TMEM255B: variants seen among roughly 807,000 people sequenced by gnomAD.
The protein encoded by TMEM255B is transmembrane protein 255B.
In TMEM255B, 35 loss-of-function variants were observed where a neutral mutation model predicts 34.5. That is an observed-to-expected ratio of 1.01 (90% CI 0.77 to 1.34). The LOEUF (loss-of-function observed/expected upper bound fraction) is 1.34. Among genes scored for constraint, TMEM255B ranks in the 40% most tolerant of loss-of-function variants. TMEM255B has a pLI of 0.00. For synonymous variants in TMEM255B, 206 were observed against 201.2 expected (o/e 1.02, Z -0.20); for missense variants, 432 against 433.2 (o/e 1.00, Z 0.02).
rs1047594614 is a variant in TMEM255B at position 113,770,315 on chromosome 13, A to T, written c.252+1155A>T. ...CACTATCATGAGAACAGCACAGGAA[A>T]GATCTGCCCCCCATGATTCAACTGC... On this transcript the variant is annotated intron_variant, in intron 3 of 8. Transcript: ENST00000375353. This position sits in a 1 kb window ranked among gnomAD's most constrained non-coding sequence, Gnocchi z 4.6. Among the ~76,000 whole-genome samples, 5 of 152,170 alleles carry T rather than the reference A, an allele frequency of 3.3e-5. No individual in the cohort carries two copies. The highest frequency in any genetic ancestry group is 1.2e-4 in the African/African-American group (5 of 41,424).
Position 113,806,629 on chromosome 13 carries a change from C to T in TMEM255B, c.813+1601C>T, listed in dbSNP as rs2051177113. 6.6e-6 allele frequency among the ~76,000 whole-genome samples: 1 copy of T among 152,180 alleles called. No homozygotes were observed. The highest frequency in any genetic ancestry group is 1.5e-5 in the Non-Finnish European group (1 of 68,002). On this transcript the variant is annotated intron_variant, in intron 8 of 8. Transcript: ENST00000375353. The surrounding 1 kb of genome is among the most constrained non-coding windows in gnomAD (Gnocchi z 4.2). ...GCCAGCGACCCTGCAGTGGTCACTC[C>T]TGCAGGCAGGCGCGTCTGCTTGGTG...
At chr13:113,785,164 T>A (rs1398415605) in intron 3 of TMEM255B, among the ~76,000 whole-genome samples, 1 of 152,258 alleles carries the variant, frequency 6.6e-6, no homozygotes, top group Non-Finnish European at 1.5e-5. Flanking sequence ...AGTTGATGTT[T>A]CTGGGGCTGG....
At position 113,811,944 on chromosome 13, in the gene TMEM255B, T is replaced by TA. The variant is rs748900324; in HGVS notation, c.*41_*42insA. 2,533 of 1,472,852 alleles carry TA rather than the reference T, an allele frequency of 1.7e-3. 11 individuals carry two copies. Among genetic ancestry groups the TA allele is most frequent in the South Asian group, 0.014 (1,032 of 75,054 alleles). 91.2% of individuals were successfully genotyped at this position (1,472,852 alleles called of 1,614,324 possible). On this transcript the variant is annotated 3_prime_UTR_variant, in exon 9 of 9. Transcript: ENST00000375353. ...AAAGATAACTTGTTTGTTTTTTTTTTTAAAAAAAAGGCAGCCTCTAGAAAT... is the reference window on the plus strand; with the variant it reads ...AAAGATAACTTGTTTGTTTTTTTTTTATAAAAAAAAGGCAGCCTCTAGAAAT...
At chr13:113,810,236 C>T (rs2051273437) in intron 8 of TMEM255B, among the ~76,000 whole-genome samples, 1 of 152,110 alleles carries the variant, frequency 6.6e-6, no homozygotes, top group Admixed American at 6.5e-5. Context: ...GCACAGAGCA[C>T]ATCTGGTAGC....
rs958957755 is a variant in TMEM255B, at chr13:113,813,161, C to T, written c.*1258C>T. The T allele has an allele frequency of 1.3e-5, 2 of 150,314 alleles. No homozygotes were observed. Among genetic ancestry groups the T allele is most frequent in the African/African-American group, 2.4e-5 (1 of 40,998 alleles). 9.3% of individuals were successfully genotyped at this position (150,314 alleles called of 1,614,324 possible). ...CAGATCCTCAGGGAACCAGGGACTC[C>T]CAGGGCGGGAGGGCGGGCGAGAGGT... On this transcript the variant is annotated 3_prime_UTR_variant, in exon 9 of 9. Transcript: ENST00000375353.
At chr13:113,775,168 A>T (rs2138533943) in intron 3 of TMEM255B, among the ~76,000 whole-genome samples, 1 of 151,980 alleles carries the variant, frequency 6.6e-6, no homozygotes, top group East Asian at 1.9e-4. Flanking sequence ...TACACAATGC[A>T]CACCACATAC....
chr13:113,800,527 G>T (rs563922989), intron 5 of TMEM255B, among the ~76,000 whole-genome samples: 8 of 152,178 alleles, frequency 5.3e-5, no homozygotes, highest in African/African-American at 1.9e-4. Context: ...CTGTCCTTCT[G>T]CCCACGCACC....
chr13:113,789,178 T>G (rs534188746), intron 3 of TMEM255B, among the ~76,000 whole-genome samples: 30 of 151,694 alleles, frequency 2.0e-4, no homozygotes, highest in African/African-American at 6.8e-4. Flanking sequence ...TTTTTTTTTG[T>G]AAATCTACTT....
intron 3 of TMEM255B, among the ~76,000 whole-genome samples, chr13:113,788,002 A>C (rs2050771115): frequency 8.1e-6 from 1 of 122,866 alleles, no homozygotes; most frequent in Admixed American, 8.9e-5. Flanking sequence ...GGGCAGCTCC[A>C]GGTGTCGGCC....
chr13:113,805,718 G>A (rs1043605819), intron 8 of TMEM255B, among the ~76,000 whole-genome samples: 6 of 152,212 alleles, frequency 3.9e-5, no homozygotes, highest in South Asian at 2.1e-4. Flanking sequence ...CTCTGCCTGC[G>A]GCATATCAGA....
At chr13:113,759,837 T>TG (rs1473979770) in intron 1 of TMEM255B, among the ~76,000 whole-genome samples, 2 of 152,198 alleles carry the variant, frequency 1.3e-5, no homozygotes, top group Non-Finnish European at 2.9e-5. Context: ...CCCTCTCTCG[T>TG]GTTTCTCCCC....
intron 3 of TMEM255B, among the ~76,000 whole-genome samples, chr13:113,786,909 T>C (rs775858121): frequency 2.0e-5 from 3 of 152,158 alleles, no homozygotes; most frequent in Non-Finnish European, 4.4e-5. Context: ...GTCTTGGTTT[T>C]TGAGGAGGAG....
At chr13:113,774,833 GAC>G (rs1232380229) in intron 3 of TMEM255B, among the ~76,000 whole-genome samples, 2 of 110,500 alleles carry the variant, frequency 1.8e-5, no homozygotes, top group Non-Finnish European at 1.9e-5. Context: ...CAACACACAC[GAC>G]ACACACAACA....
At chr13:113,775,232 T>G (rs1270005862) in intron 3 of TMEM255B, among the ~76,000 whole-genome samples, 1 of 151,624 alleles carries the variant, frequency 6.6e-6, no homozygotes, top group African/African-American at 2.4e-5. Flanking sequence ...CCACACATAC[T>G]ATACACACCA....
chr13:113,768,238 A>G (rs1232385341), intron 2 of TMEM255B: 4 of 469,986 alleles, frequency 8.5e-6, no homozygotes, highest in African/African-American at 4.0e-5. Flanking sequence ...TGGCAGGTCC[A>G]TGTTGGCTGC....
rs1042683024 is a variant in TMEM255B, at chr13:113,761,152, C to T, written c.46+1837C>T. 9 of 983,868 alleles carry T rather than the reference C, an allele frequency of 9.1e-6. No individual in the cohort carries two copies. The African/African-American group carries it at 1.2e-4, about 13-fold the overall frequency. 60.9% of individuals were successfully genotyped at this position (983,868 alleles called of 1,614,324 possible). A position where few individuals can be genotyped will look rare whatever the true frequency, so the allele number is the denominator to read the frequency against. ...TTACTTGGACACCATGACTGGTGTC[C>T]CCACATGATTAAATGGAACTCACTC... is the stretch of plus-strand genomic sequence containing the variant. On this transcript the variant is annotated intron_variant, in intron 1 of 8. Coordinates refer to ENST00000375353, the MANE Select transcript of TMEM255B (RefSeq NM_182614.4).
chr13:113,792,579 C>T (rs998211716), intron 3 of TMEM255B, among the ~76,000 whole-genome samples: 2 of 152,274 alleles, frequency 1.3e-5, no homozygotes, highest in African/African-American at 4.8e-5. Flanking sequence ...CTGGCTTATG[C>T]TTTGCTATGG....
At position 113,808,793 on chromosome 13, in the gene TMEM255B, G is replaced by C. The variant is rs868197447; in HGVS notation, c.814-2943G>C. 1.7e-3 allele frequency among the ~76,000 whole-genome samples: 28 copies of C among 16,094 alleles called. 1 individual carries two copies. Among genetic ancestry groups the C allele is most frequent in the Admixed American group, 6.1e-4 (1 of 1,640 alleles). 10.6% of individuals were successfully genotyped at this position (16,094 alleles called of 152,430 possible). On this transcript the variant is annotated intron_variant, in intron 8 of 8. Coordinates refer to ENST00000375353, the MANE Select transcript of TMEM255B (RefSeq NM_182614.4). ...CTGGCGGTGTAACTCTGTGGTTCCT[G>C]GGGGGGGGGTTACTCCATGTTTCCT... is the stretch of plus-strand genomic sequence containing the variant.
chr13:113,761,135 A>G, intron 1 of TMEM255B: 4 of 968,414 alleles, frequency 4.1e-6, no homozygotes, highest in Non-Finnish European at 4.9e-6. Flanking sequence ...TGTTACTTGG[A>G]CACCATGACT....
Sources: allele counts gnomAD v4.1 joint callset (sites outside exome capture counted in the v4.1 genomes callset), GRCh38; gene constraint gnomAD v4.1.1; non-coding constraint Gnocchi (gnomAD v3.1); transcripts MANE v1.5; gene names NCBI Gene and HGNC (gene_info 2026-07-23, HGNC 2026-07-21).